Variants in ERC2 observed in about 807,000 individuals in gnomAD.
ERC2 encodes the protein ELKS/RAB6-interacting/CAST family member 2, also known as ERC protein 2.
A neutral mutation model predicts 114.8 loss-of-function variants in ERC2; 42 were observed. That is an observed-to-expected ratio of 0.37 (90% confidence interval 0.29 to 0.47). The LOEUF (loss-of-function observed/expected upper bound fraction) is 0.47, where lower values mean the gene tolerates loss of function less well. Ranked by LOEUF, ERC2 falls within the 20% of genes least tolerant of loss-of-function variation. The pLI, the probability that ERC2 is intolerant of heterozygous loss-of-function variation, is 0.99. For synonymous variants in ERC2, 454 were observed against 425.5 expected (o/e 1.07, Z -0.82); for missense variants, 939 against 1,150.7 (o/e 0.82, Z 2.66).
chr3:55,749,676 C>A (rs995763071), intron 14 of ERC2, among the ~76,000 whole-genome samples: 2 of 152,152 alleles, frequency 1.3e-5, no homozygotes, highest in Non-Finnish European at 2.9e-5. Context: ...AACGGGCACT[C>A]CGATAGGACA....
Position 56,134,936 on chromosome 3 carries a change from G to T in ERC2, c.1473+4573C>A, listed in dbSNP as rs1207736648. 5.5e-3 allele frequency among the ~76,000 whole-genome samples: 795 copies of T among 144,156 alleles called. 10 individuals carry two copies. The highest frequency in any genetic ancestry group is 0.02 in the African/African-American group (750 of 37,522). The allele number at this position is 144,156 out of a possible 152,430, so 94.6% of individuals were successfully genotyped here. ...TTTTTTTTTGTTTTTTTTTGTTTTTGTTTTTGTTTTTGTTTTTGTTTTTGT... is the reference window on the plus strand; with the variant it reads ...TTTTTTTTTGTTTTTTTTTGTTTTTTTTTTTGTTTTTGTTTTTGTTTTTGT... On this transcript the variant is annotated intron_variant, in intron 6 of 17. Coordinates refer to ENST00000288221, the MANE Select transcript of ERC2 (RefSeq NM_015576.3).
intron 3 of ERC2, among the ~76,000 whole-genome samples, chr3:56,250,043 A>C (rs2052035481): frequency 6.6e-6 from 1 of 151,974 alleles, no homozygotes; most frequent in Non-Finnish European, 1.5e-5. Context: ...TATTTAGTAG[A>C]GACGGGGTTT....
chr3:55,590,741 A>C (rs2057833775), intron 17 of ERC2, among the ~76,000 whole-genome samples: 1 of 152,238 alleles, frequency 6.6e-6, no homozygotes, highest in South Asian at 2.1e-4. Context: ...GACATATACC[A>C]AATTGTCCAC....
At chr3:56,388,449 G>T (rs1252690305) in intron 2 of ERC2, among the ~76,000 whole-genome samples, 2 of 152,172 alleles carry the variant, frequency 1.3e-5, no homozygotes, top group African/African-American at 4.8e-5. Flanking sequence ...ACCAGAAGCA[G>T]ATGCCAGCAT....
chr3:55,789,822 T>A (rs2069837027), intron 14 of ERC2, among the ~76,000 whole-genome samples: 1 of 152,198 alleles, frequency 6.6e-6, no homozygotes, highest in Non-Finnish European at 1.5e-5. Context: ...AGAGCCATCA[T>A]CTACATCCCT....
intron 15 of ERC2, among the ~76,000 whole-genome samples, chr3:55,705,041 C>T (rs1296914391): frequency 6.6e-6 from 1 of 152,132 alleles, no homozygotes; most frequent in Non-Finnish European, 1.5e-5. Flanking sequence ...CTCCAGAGTC[C>T]TACAGCAGTG....
intron 17 of ERC2, among the ~76,000 whole-genome samples, chr3:55,589,157 T>C (rs2057742478): frequency 6.7e-6 from 1 of 149,638 alleles, no homozygotes; most frequent in African/African-American, 2.5e-5. Flanking sequence ...GGCAGGAGGA[T>C]TGCTTGAGCC....
intron 17 of ERC2, among the ~76,000 whole-genome samples, chr3:55,551,028 A>AG (rs2055161263): frequency 6.6e-6 from 1 of 151,648 alleles, no homozygotes; most frequent in Admixed American, 6.6e-5. Flanking sequence ...AAAAAAAAAA[A>AG]AAAGAAAGAA....
At chr3:56,453,882 A>C (rs376263227) in intron 1 of ERC2, among the ~76,000 whole-genome samples, 1 of 152,158 alleles carries the variant, frequency 6.6e-6, no homozygotes, top group African/African-American at 2.4e-5. Flanking sequence ...GCGAGCATCA[A>C]TGGGCGTGGG....
chr3:56,434,020 G>C (rs1197296130), intron 2 of ERC2: 1 of 271,594 alleles, frequency 3.7e-6, no homozygotes, highest in Non-Finnish European at 7.0e-6. Context: ...CTATTCAGAA[G>C]GAGGTACATC....
intron 15 of ERC2, among the ~76,000 whole-genome samples, chr3:55,708,202 T>C (rs189438342): frequency 2.0e-5 from 3 of 152,320 alleles, no homozygotes; most frequent in African/African-American, 7.2e-5. Flanking sequence ...GACCATCCCC[T>C]AATATAAATT....
At chr3:56,213,617 C>T (rs111590022) in intron 3 of ERC2, among the ~76,000 whole-genome samples, 1 of 152,176 alleles carries the variant, frequency 6.6e-6, no homozygotes, top group Non-Finnish European at 1.5e-5. Flanking sequence ...AAAGGCAGCA[C>T]AAACCTCTGC....
At chr3:56,083,529 A>C (rs574781494) in intron 6 of ERC2, among the ~76,000 whole-genome samples, 21 of 152,320 alleles carry the variant, frequency 1.4e-4, no homozygotes, top group Admixed American at 1.2e-3. Flanking sequence ...TTAATAATTT[A>C]TACTTTGATA....
intron 10 of ERC2, among the ~76,000 whole-genome samples, chr3:55,992,681 T>A (rs1576481871): frequency 6.6e-6 from 1 of 152,308 alleles, no homozygotes; most frequent in South Asian, 2.1e-4. Flanking sequence ...TATTGGATTA[T>A]TTTCCAAGAA....
intron 7 of ERC2, among the ~76,000 whole-genome samples, chr3:56,072,987 C>G (rs1484855270): frequency 6.6e-6 from 1 of 152,134 alleles, no homozygotes; most frequent in Non-Finnish European, 1.5e-5. Flanking sequence ...CATACACACT[C>G]ACATATATAA....
chr3:55,635,460 A>G (rs1382021334), intron 17 of ERC2, among the ~76,000 whole-genome samples: 1 of 150,718 alleles, frequency 6.6e-6, no homozygotes, highest in Non-Finnish European at 1.5e-5. Flanking sequence ...GCTCGATCTC[A>G]GCTCACTGCA....
chr3:55,829,087 T>G (rs569554282), intron 14 of ERC2, among the ~76,000 whole-genome samples: 30 of 152,266 alleles, frequency 2.0e-4, no homozygotes, highest in African/African-American at 6.5e-4. Context: ...GGCATGATTG[T>G]GTCACTGTAC....
At chr3:56,027,992 A>G (rs2074152436) in intron 7 of ERC2, among the ~76,000 whole-genome samples, 1 of 152,162 alleles carries the variant, frequency 6.6e-6, no homozygotes, top group African/African-American at 2.4e-5. Context: ...GTTTAGGTCA[A>G]TGTTCATTGT....
intron 17 of ERC2, among the ~76,000 whole-genome samples, chr3:55,663,264 A>G (rs902881722): frequency 2.6e-5 from 4 of 152,216 alleles, no homozygotes; most frequent in Non-Finnish European, 5.9e-5. Context: ...CTAACCCTAC[A>G]CAGCCCCTGG....
Sources: allele counts gnomAD v4.1 joint callset (sites outside exome capture counted in the v4.1 genomes callset), GRCh38; gene constraint gnomAD v4.1.1; transcripts MANE v1.5; gene names NCBI Gene and HGNC (gene_info 2026-07-23, HGNC 2026-07-21).